Variants in NCKAP5 observed in about 807,000 individuals in gnomAD.
The protein encoded by NCKAP5 is nck-associated protein 5.
NCKAP5 carries 92 observed loss-of-function variants against 167.0 expected under a neutral mutation model. That is an observed-to-expected ratio of 0.55 (90% CI 0.47 to 0.66). The LOEUF (loss-of-function observed/expected upper bound fraction) is 0.66. NCKAP5 is among the 30% of genes least tolerant of loss of function. NCKAP5 has a pLI of 0.00. For synonymous variants in NCKAP5, 891 were observed against 877.4 expected (o/e 1.02, Z -0.27); for missense variants, 2,378 against 2,315.0 (o/e 1.03, Z -0.56).
chr2:132,968,265 G>A (rs1559001253), intron 7 of NCKAP5, among the ~76,000 whole-genome samples: 2 of 152,200 alleles, frequency 1.3e-5, no homozygotes, highest in African/African-American at 4.8e-5. Context: ...CTGCTGCAAT[G>A]GAGAATGGGC....
intron 5 of NCKAP5, among the ~76,000 whole-genome samples, chr2:133,206,462 T>A (rs1206727979): frequency 6.6e-6 from 1 of 152,212 alleles, no homozygotes; most frequent in Non-Finnish European, 1.5e-5. Flanking sequence ...ATCACTTCCC[T>A]AATAATACTC....
At chr2:133,638,478 G>A in the NCKAP5 span, among the ~76,000 whole-genome samples, 2 of 152,120 alleles carry the variant, frequency 1.3e-5, no homozygotes, top group African/African-American at 4.8e-5. Context: ...TAGTAATGAA[G>A]AATACATAAA....
At chr2:133,005,084 G>A (rs376857754) in intron 6 of NCKAP5, among the ~76,000 whole-genome samples, 13 of 152,022 alleles carry the variant, frequency 8.6e-5, no homozygotes, top group East Asian at 1.9e-4. Flanking sequence ...TCAAACACAC[G>A]TTTTACAAAC....
chr2:132,687,146 C>A (rs1558921090), intron 19 of NCKAP5, among the ~76,000 whole-genome samples: 2 of 152,132 alleles, frequency 1.3e-5, no homozygotes, highest in Non-Finnish European at 2.9e-5. Context: ...AAGAATACTG[C>A]AGGCCCTTAA....
At chr2:133,184,304 T>C (rs2084853706) in intron 5 of NCKAP5, among the ~76,000 whole-genome samples, 1 of 152,218 alleles carries the variant, frequency 6.6e-6, no homozygotes, top group Non-Finnish European at 1.5e-5. Flanking sequence ...ATTTTGTTCA[T>C]TTTTATGGTT....
chr2:133,295,053 C>A (rs1376689171), intron 4 of NCKAP5, among the ~76,000 whole-genome samples: 1 of 152,154 alleles, frequency 6.6e-6, no homozygotes, highest in African/African-American at 2.4e-5. Flanking sequence ...GAAGTTTGTA[C>A]TGAGGCTTTG....
the NCKAP5 span, among the ~76,000 whole-genome samples, chr2:133,587,314 A>G: frequency 6.6e-6 from 1 of 152,072 alleles, no homozygotes; most frequent in African/African-American, 2.4e-5. Flanking sequence ...GGTTGTTGTG[A>G]AGTGCTCAGA....
chr2:133,625,727 C>T, the NCKAP5 span, among the ~76,000 whole-genome samples: 3 of 151,866 alleles, frequency 2.0e-5, no homozygotes, highest in African/African-American at 7.3e-5. Flanking sequence ...AAAAATTAGC[C>T]GGGCGTAGTG....
chr2:133,000,187 T>C (rs7596444), intron 6 of NCKAP5, among the ~76,000 whole-genome samples: 60,614 of 152,024 alleles, frequency 0.4, 12,953 homozygotes, highest in South Asian at 0.55. Context: ...TGCAAATTGC[T>C]TTTCTTTGTG....
chr2:133,634,938 G>A, the NCKAP5 span, among the ~76,000 whole-genome samples: 3 of 151,672 alleles, frequency 2.0e-5, no homozygotes, highest in Non-Finnish European at 2.9e-5. Context: ...TGGGATCTTG[G>A]CTCACTGCAA....
In NCKAP5 at chr2:132,784,725, T is replaced by C. The variant is rs369322294; in HGVS notation, c.2086A>G (p.Ile696Val). The C allele has an allele frequency of 1.1e-5, 18 of 1,613,930 alleles. No homozygotes were observed. Among genetic ancestry groups the C allele is most frequent in the Non-Finnish European group, 1.5e-5 (18 of 1,179,846 alleles). The change falls in exon 14 of 20, where the codon ATT (isoleucine) becomes GTT (valine). Residue 696 changes from isoleucine (I) to valine (V), a missense_variant. Transcript: ENST00000409261. Reference protein sequence around the residue: ...TGVVTVTRNEISINSTPAGPK... With the variant: ...TGVVTVTRNEVSINSTPAGPK... ...CCAGCAGGAGTTGAATTGATGGAAA[T>C]CTCATTTCTGGTAACAGTGACAACC...
chr2:133,423,177 T>C (rs1432780339), intron 3 of NCKAP5, among the ~76,000 whole-genome samples: 1 of 152,218 alleles, frequency 6.6e-6, no homozygotes, highest in Non-Finnish European at 1.5e-5. Flanking sequence ...TTGCAATATT[T>C]TACTACAAGG....
chr2:133,148,458 T>A (rs2083277123), intron 5 of NCKAP5, among the ~76,000 whole-genome samples: 1 of 152,188 alleles, frequency 6.6e-6, no homozygotes, highest in Non-Finnish European at 1.5e-5. Flanking sequence ...ACTTTTGCTT[T>A]TCTTAAAGTG....
At chr2:132,779,621 T>C (rs373847360) in intron 15 of NCKAP5, among the ~76,000 whole-genome samples, 1 of 152,138 alleles carries the variant, frequency 6.6e-6, no homozygotes, top group Non-Finnish European at 1.5e-5. Context: ...AAAAAACTTT[T>C]GCAACGAACA....
intron 2 of NCKAP5, among the ~76,000 whole-genome samples, chr2:133,544,121 A>C (rs551667198): frequency 2.6e-5 from 4 of 152,222 alleles, no homozygotes; most frequent in Non-Finnish European, 4.4e-5. Flanking sequence ...TAAAATTGCC[A>C]TGTCTGGAAA....
chr2:133,353,317 T>C (rs948987230), intron 3 of NCKAP5, among the ~76,000 whole-genome samples: 2 of 152,182 alleles, frequency 1.3e-5, no homozygotes, highest in Admixed American at 1.3e-4. Flanking sequence ...TCTTTAAGAC[T>C]AGAAGGTACC....
intron 11 of NCKAP5, among the ~76,000 whole-genome samples, chr2:132,846,459 C>T (rs1688670552): frequency 6.6e-6 from 1 of 152,050 alleles, no homozygotes; most frequent in African/African-American, 2.4e-5. Flanking sequence ...CATGACCCAC[C>T]ACGCCCGGCT....
At chr2:132,884,802 A>T (rs1692082439) in intron 8 of NCKAP5, among the ~76,000 whole-genome samples, 1 of 152,232 alleles carries the variant, frequency 6.6e-6, no homozygotes, top group Non-Finnish European at 1.5e-5. Flanking sequence ...ATGTATGGAA[A>T]TAAAGCTGAA....
chr2:132,771,154 C>T (rs1011384483), intron 16 of NCKAP5, among the ~76,000 whole-genome samples: 3 of 152,162 alleles, frequency 2.0e-5, no homozygotes, highest in African/African-American at 7.2e-5. Flanking sequence ...ACACTGTTAT[C>T]ACAGGAAATG....
Sources: allele counts gnomAD v4.1 joint callset (sites outside exome capture counted in the v4.1 genomes callset), GRCh38; gene constraint gnomAD v4.1.1; transcripts MANE v1.5; gene names NCBI Gene and HGNC (gene_info 2026-07-23, HGNC 2026-07-21).